Variants in CNTN2 observed in about 807,000 individuals in gnomAD.
CNTN2 encodes contactin-2.
Under a neutral mutation model 117.5 loss-of-function variants are expected in CNTN2, and 53 were observed. The ratio of observed to expected loss-of-function variants is 0.45; its 90% CI spans 0.36 to 0.57. CNTN2 has a LOEUF of 0.57. CNTN2 is among the 20% of genes least tolerant of loss of function. The pLI is 0.00. For missense variants in CNTN2, 1,106 were observed against 1,404.3 expected (o/e 0.79, Z 3.39); for synonymous variants, 530 against 561.7 (o/e 0.94, Z 0.80).
In CNTN2 at chr1:205,074,256, T is replaced by A; in HGVS notation, c.*491T>A. The A allele has an allele frequency of 2.5e-6, 1 of 407,040 alleles. No individual in the cohort carries two copies. The highest frequency in any genetic ancestry group is 4.3e-6 in the Non-Finnish European group (1 of 230,462). 25.2% of individuals were successfully genotyped at this position (407,040 alleles called of 1,614,324 possible). A position where few individuals can be genotyped will look rare whatever the true frequency, so the allele number is the denominator to read the frequency against. ...GGGCAAGCCCTGGGACCAAGAGCTC[T>A]CCCGCCTTCTCCCTCGAGCAGCAGC... On this transcript the variant is annotated 3_prime_UTR_variant, in exon 23 of 23. Transcript: ENST00000331830.
chr1:205,047,944 G>T (rs960392401), intron 1 of CNTN2, among the ~76,000 whole-genome samples: 2 of 152,182 alleles, frequency 1.3e-5, no homozygotes, highest in Admixed American at 6.5e-5. Context: ...TGATAACCAG[G>T]TTATACTAGT....
Position 205,069,489 on chromosome 1 carries a change from A to G in CNTN2, c.2126-2A>G. 1 of 1,613,936 alleles carries G rather than the reference A, an allele frequency of 6.2e-7. No homozygotes were observed. Among genetic ancestry groups the G allele is most frequent in the Non-Finnish European group, 8.5e-7 (1 of 1,179,966 alleles). The stretch of plus-strand genomic sequence containing the variant: ...ATATCGGTGTCCCTTGGCCCTTGAC[A>G]GCCCCCTCGGTGGCACCCTCAGGAC... On this transcript the variant is annotated splice_acceptor_variant, in intron 16 of 22. Transcript: ENST00000331830. LOFTEE classifies it high-confidence loss of function.
At chr1:205,067,400 A>G in intron 16 of CNTN2, 150 bp downstream of exon 16, 1 of 920,910 alleles carries the variant, frequency 1.1e-6, no homozygotes, top group Non-Finnish European at 1.6e-6. Flanking sequence ...ACAGAACACC[A>G]AGTTGGGACC....
In CNTN2 at chr1:205,058,570, C is replaced by T. The variant is rs2151189605; in HGVS notation, c.394C>T (p.Leu132=). The change falls in exon 5 of 23, where the codon CTG becomes TTG. Residue 132 remains leucine (L), a splice_region_variant and synonymous_variant. Transcript: ENST00000331830. This position sits in a 1 kb window ranked among gnomAD's most constrained non-coding sequence, Gnocchi z 4.3. ...SREAILRFGF[L]QEFSKEERDP... The stretch of plus-strand genomic sequence containing the variant: ...GAGCCCCTGGTCTCTGCCTCCAGTT[C>T]TGCAGGAATTCTCCAAGGAGGAGCG... 6.2e-7 allele frequency: 1 copy of T among 1,613,726 alleles called. No homozygotes were observed. The highest frequency in any genetic ancestry group is 8.5e-7 in the Non-Finnish European group (1 of 1,179,964).
At position 205,073,524 on chromosome 1, in the gene CNTN2, A is replaced by G. The variant is rs1654705857; in HGVS notation, c.3014-132A>G. On this transcript the variant is annotated intron_variant, in intron 22 of 22. Coordinates refer to ENST00000331830, the MANE Select transcript of CNTN2 (RefSeq NM_005076.5). The surrounding 1 kb of genome is among the most constrained non-coding windows in gnomAD (Gnocchi z 6.3). ...AAGCACCGTAGGAGTCGGACTGAGA[A>G]GACCACCCAGCCGTCCGCTCCCAGG... is the stretch of plus-strand genomic sequence containing the variant. The G allele has an allele frequency of 2.4e-6, 2 of 835,472 alleles. No homozygotes were observed. The highest frequency in any genetic ancestry group is 1.7e-5 in the African/African-American group (1 of 59,332). 51.8% of individuals were successfully genotyped at this position (835,472 alleles called of 1,614,324 possible).
rs1654468113 is a variant in CNTN2, at chr1:205,069,474, C to G, written c.2126-17C>G. On this transcript the variant is annotated splice_polypyrimidine_tract_variant and intron_variant, in intron 16 of 22. Coordinates refer to ENST00000331830, the MANE Select transcript of CNTN2 (RefSeq NM_005076.5). ...GCTCATTAACAAGCCATATCGGTGT[C>G]CCTTGGCCCTTGACAGCCCCCTCGG... The G allele has an allele frequency of 1.2e-6, 2 of 1,613,664 alleles. No individual in the cohort carries two copies. Among genetic ancestry groups the G allele is most frequent in the Admixed American group, 3.3e-5 (2 of 59,978 alleles).
In CNTN2 at chr1:205,074,551, A is replaced by G. The variant is rs1654765557; in HGVS notation, c.*786A>G. On this transcript the variant is annotated 3_prime_UTR_variant, in exon 23 of 23. Coordinates refer to ENST00000331830, the MANE Select transcript of CNTN2 (RefSeq NM_005076.5). Reference sequence around the variant, plus strand: ...CTGCCAACCTGACCCTGTCATCCCGATTGACAGCGCCACTTCAGGTGGCTG... The same window carrying G: ...CTGCCAACCTGACCCTGTCATCCCGGTTGACAGCGCCACTTCAGGTGGCTG... The G allele has an allele frequency of 2.5e-6, 1 of 398,114 alleles. No individual in the cohort carries two copies. The highest frequency in any genetic ancestry group is 2.1e-5 in the African/African-American group (1 of 48,568). 24.7% of individuals were successfully genotyped at this position (398,114 alleles called of 1,614,324 possible).
At chr1:205,064,126 A>AGGGGGGGGGGTGGGGGGGGGG (rs11329962) in intron 10 of CNTN2, among the ~76,000 whole-genome samples, 196 bp from the exon 11 acceptor site, 1 of 94,374 alleles carries the variant, frequency 1.1e-5, no homozygotes. Context: ...TGAGGGGCGG[A>AGGGGGGGGGGTGGGGGGGGGG]GGGGGGGCGC....
rs764622549 is a variant in CNTN2 at position 205,065,265 on chromosome 1, G to A, written c.1695+3G>A. ...GGCACTACCGGAGAACTAATGTGGTGAGACCTAGGGCCAGAGCCCCATGGC... is the reference window on the plus strand; with the variant it reads ...GGCACTACCGGAGAACTAATGTGGTAAGACCTAGGGCCAGAGCCCCATGGC... On this transcript the variant is annotated splice_donor_region_variant and intron_variant, in intron 13 of 22. Coordinates refer to ENST00000331830, the MANE Select transcript of CNTN2 (RefSeq NM_005076.5). This position sits in a 1 kb window ranked among gnomAD's most constrained non-coding sequence, Gnocchi z 4.1. 3.1e-6 allele frequency: 5 copies of A among 1,614,092 alleles called. No homozygotes were observed. The highest frequency in any genetic ancestry group is 1.7e-5 in the Admixed American group (1 of 60,016).
At chr1:205,045,204 C>T (rs1215954473) in intron 1 of CNTN2, among the ~76,000 whole-genome samples, 1 of 152,160 alleles carries the variant, frequency 6.6e-6, no homozygotes, top group African/African-American at 2.4e-5. Context: ...CTCTTTCTCT[C>T]TTACTCTCCT....
At position 205,070,441 on chromosome 1, in the gene CNTN2, C is replaced by A; in HGVS notation, c.2447C>A (p.Pro816His). 6.2e-7 allele frequency: 1 copy of A among 1,613,282 alleles called. No individual in the cohort carries two copies. Among genetic ancestry groups the A allele is most frequent in the South Asian group, 1.1e-5 (1 of 90,956 alleles). Reference sequence around the variant, plus strand: ...TGGTCCCCAGAGCCCAGGGTGGCCCCTACCAAGGTGTGGGCCAAAGGGGTC... The same window carrying A: ...TGGTCCCCAGAGCCCAGGGTGGCCCATACCAAGGTGTGGGCCAAAGGGGTC... ...YSAEEEPRVAPTKVWAKGVSS... is the reference protein window; with the variant it reads ...YSAEEEPRVAHTKVWAKGVSS... Residue 816 changes from proline to histidine, a missense_variant, in exon 19 of 23, where the codon CCT (proline) becomes CAT (histidine). Coordinates refer to ENST00000331830, the MANE Select transcript of CNTN2 (RefSeq NM_005076.5).
Position 205,059,148 on chromosome 1 carries a change from C to A in CNTN2, c.552C>A (p.Phe184Leu). 6.2e-7 allele frequency: 1 copy of A among 1,614,220 alleles called. No homozygotes were observed. The change falls in exon 6 of 23, where the codon TTC becomes TTA. Residue 184 changes from phenylalanine (F) to leucine (L), a missense_variant. Physicochemically the swap from Phe to Leu is conservative, Grantham distance 22. Coordinates refer to ENST00000331830, the MANE Select transcript of CNTN2 (RefSeq NM_005076.5). This position sits in a 1 kb window ranked among gnomAD's most constrained non-coding sequence, Gnocchi z 5.6. ...PNFIPTDGRH[F>L]VSQTTGNLYI... ...TCATCCCGACGGACGGGCGTCACTT[C>A]GTGTCCCAGACCACAGGGAACCTGT... is the stretch of plus-strand genomic sequence containing the variant.
rs1654682453 is a variant in CNTN2 at position 205,073,160 on chromosome 1, T to C, written c.2937T>C (p.His979=). 1.2e-6 allele frequency: 2 copies of C among 1,613,376 alleles called. No individual in the cohort carries two copies. The highest frequency in any genetic ancestry group is 8.5e-7 in the Non-Finnish European group (1 of 1,179,368). The change falls in exon 22 of 23, where the codon CAT becomes CAC. Residue 979 remains histidine, a synonymous_variant. Coordinates refer to ENST00000331830, the MANE Select transcript of CNTN2 (RefSeq NM_005076.5). This position sits in a 1 kb window ranked among gnomAD's most constrained non-coding sequence, Gnocchi z 6.3. ...TCCCAGTGCCTGAAGACATTGGCCA[T>C]GCCCTGGTACAAATTCGGACCACAG... The part of the protein sequence containing the change: ...IEIPVPEDIG[H]ALVQIRTTGP...
intron 1 of CNTN2, among the ~76,000 whole-genome samples, chr1:205,044,463 G>A (rs576841333): frequency 2.0e-5 from 3 of 150,302 alleles, no homozygotes; most frequent in Non-Finnish European, 4.4e-5. Context: ...TGTCCTGGGG[G>A]GGGGGGTCCA....
intron 1 of CNTN2, among the ~76,000 whole-genome samples, chr1:205,050,898 C>T (rs1324172031): frequency 4.6e-5 from 7 of 152,196 alleles, no homozygotes; most frequent in East Asian, 1.9e-4. Flanking sequence ...GGATTACAGG[C>T]GTGAGCCACG....
intron 21 of CNTN2, 79 bp from the exon 22 acceptor site, chr1:205,072,989 C>T (rs577971716): frequency 7.3e-6 from 11 of 1,509,264 alleles, no homozygotes. Flanking sequence ...CGGGTCTCCT[C>T]CCAGTACCTA....
chr1:205,066,363 A>G (rs909278248), intron 14 of CNTN2, 78 bp from the exon 15 acceptor site: 120 of 1,543,280 alleles, frequency 7.8e-5, no homozygotes, highest in Non-Finnish European at 1.0e-4. Context: ...GTACCAGCTC[A>G]AGCCTGGCTG....
chr1:205,065,372 C>T lies in CNTN2; in HGVS notation c.1695+110C>T, dbSNP rs1215173832. The T allele has an allele frequency of 8.6e-7, 1 of 1,161,566 alleles. No homozygotes were observed. The allele number at this position is 1,161,566 out of a possible 1,614,324, so 72.0% of individuals were successfully genotyped here. On this transcript the variant is annotated intron_variant, in intron 13 of 22. Transcript: ENST00000331830. The surrounding 1 kb of genome is among the most constrained non-coding windows in gnomAD (Gnocchi z 4.1). The stretch of plus-strand genomic sequence containing the variant: ...TTAAGAAACCCATAGCCTAAGCGCC[C>T]CCATTCCCTCAGGCCCACACATGGC...
At chr1:205,071,471 C>A (rs754595754) in intron 19 of CNTN2, among the ~76,000 whole-genome samples, 2 of 152,236 alleles carry the variant, frequency 1.3e-5, no homozygotes, top group African/African-American at 2.4e-5. Flanking sequence ...TAATTCCAAA[C>A]TCTGCCCTTG....
Sources: allele counts gnomAD v4.1 joint callset (sites outside exome capture counted in the v4.1 genomes callset), GRCh38; gene constraint gnomAD v4.1.1; non-coding constraint Gnocchi (gnomAD v3.1); transcripts MANE v1.5; gene names NCBI Gene and HGNC (gene_info 2026-07-23, HGNC 2026-07-21).